RPH3A: variants seen among roughly 807,000 people sequenced by gnomAD.
RPH3A encodes the protein rabphilin-3A.
RPH3A carries 48 observed loss-of-function variants against 102.2 expected under a neutral mutation model. The ratio of observed to expected loss-of-function variants is 0.47; its 90% CI spans 0.37 to 0.60. The LOEUF is 0.60. Among genes scored for constraint, RPH3A ranks in the 20% least tolerant of loss-of-function variants. The probability of loss-of-function intolerance (pLI) is 0.00; values close to 1 mark genes in which losing one functional copy is unlikely to be tolerated. For synonymous variants in RPH3A, 310 were observed against 324.3 expected (o/e 0.96, Z 0.47); for missense variants, 781 against 910.1 (o/e 0.86, Z 1.83).
rs1429578269 is a variant in RPH3A at position 112,599,182 on chromosome 12, G to C, written c.-140+23863G>C. Among the ~76,000 whole-genome samples, 6 of 152,280 alleles carry C rather than the reference G, an allele frequency of 3.9e-5. No individual in the cohort carries two copies. The East Asian group carries it at 1.2e-3, about 29-fold the overall frequency. ...TGTAGTGTGTGTGTAGCAAGACCAA[G>C]TTAACTTTCGATTCATGTGGCCAAG... On this transcript the variant is annotated intron_variant, in intron 1 of 21. Transcript: ENST00000543106.
At chr12:112,826,186 T>C (rs2041869240) in intron 2 of RPH3A, among the ~76,000 whole-genome samples, 1 of 152,064 alleles carries the variant, frequency 6.6e-6, no homozygotes, top group South Asian at 2.1e-4. Flanking sequence ...CACGAAGGGA[T>C]AGAGAGAGCC....
At chr12:112,865,263 G>A (rs1321626624) in intron 5 of RPH3A, 151 bp from the exon 6 acceptor site, 2 of 876,858 alleles carry the variant, frequency 2.3e-6, no homozygotes, top group Non-Finnish European at 3.5e-6. Flanking sequence ...TTATGTGCAT[G>A]TGCCTTTTCT....
chr12:112,828,592 C>T (rs1388289007), intron 3 of RPH3A, among the ~76,000 whole-genome samples: 3 of 152,334 alleles, frequency 2.0e-5, no homozygotes, highest in Non-Finnish European at 4.4e-5. Context: ...GAGTTTCATG[C>T]TCCATAGAAT....
At chr12:112,810,797 G>A (rs2041558643) in intron 2 of RPH3A, among the ~76,000 whole-genome samples, 1 of 152,044 alleles carries the variant, frequency 6.6e-6, no homozygotes. Flanking sequence ...ACTAACATCT[G>A]TCCCACTTAA....
rs1566255220 is a variant in RPH3A, at chr12:112,678,287, A to AGAG, written c.-140+102968_-140+102969insGAG. Among the ~76,000 whole-genome samples the AGAG allele has an allele frequency of 1.6e-3, 58 of 35,636 alleles. 3 individuals are homozygous for AGAG. Among genetic ancestry groups the AGAG allele is most frequent in the African/African-American group, 4.3e-3 (22 of 5,086 alleles). The allele number at this position is 35,636 out of a possible 152,430, so 23.4% of individuals were successfully genotyped here. On this transcript the variant is annotated intron_variant, in intron 1 of 21. Coordinates refer to the RPH3A transcript ENST00000543106. ...AAAGAAAGAAAGAAAGAAAGAAAGA[A>AGAG]AGAAAGAAAGAAAGAAAGAGAGAGA...
intron 1 of RPH3A, among the ~76,000 whole-genome samples, chr12:112,780,192 C>T (rs551863262): frequency 6.6e-6 from 1 of 152,118 alleles, no homozygotes; most frequent in Non-Finnish European, 1.5e-5. Flanking sequence ...CTCATGTTGG[C>T]CTCATCTTTA....
chr12:112,798,100 G>A (rs1010788696), intron 2 of RPH3A, among the ~76,000 whole-genome samples: 3 of 152,194 alleles, frequency 2.0e-5, no homozygotes, highest in Non-Finnish European at 2.9e-5. Flanking sequence ...TGGTTTCCTC[G>A]AAGTAATTGT....
chr12:112,610,017 G>A (rs966582143), intron 1 of RPH3A, among the ~76,000 whole-genome samples: 2 of 152,054 alleles, frequency 1.3e-5, no homozygotes, highest in African/African-American at 2.4e-5. Flanking sequence ...CACAAGGGAC[G>A]GAGTGATCTG....
At chr12:112,886,741 C>T (rs2043007577) in intron 16 of RPH3A, among the ~76,000 whole-genome samples, 2 of 152,216 alleles carry the variant, frequency 1.3e-5, no homozygotes, top group Non-Finnish European at 2.9e-5. Flanking sequence ...TGGATTCAAA[C>T]CCTGGTTCTA....
chr12:112,861,492 C>T (rs140418796), intron 5 of RPH3A, among the ~76,000 whole-genome samples: 313 of 152,260 alleles, frequency 2.1e-3, no homozygotes, highest in Middle Eastern at 0.01. Flanking sequence ...CTGTTCAAGG[C>T]GATCCCCGTG....
chr12:112,792,082 A>C (rs1396743098), intron 1 of RPH3A, 61 bp from the exon 2 acceptor site: 2 of 152,046 alleles, frequency 1.3e-5, no homozygotes, highest in East Asian at 1.9e-4. Context: ...ACGTGTGTGC[A>C]CTGGTGCTTT....
intron 19 of RPH3A, chr12:112,891,297 G>T: frequency 2.8e-6 from 1 of 357,908 alleles, no homozygotes; most frequent in East Asian, 5.6e-5. Flanking sequence ...AGCCCCATTT[G>T]TACTCCCAGG....
At chr12:112,850,267 G>A (rs1049799005) in intron 5 of RPH3A, among the ~76,000 whole-genome samples, 6 of 151,974 alleles carry the variant, frequency 3.9e-5, no homozygotes, top group African/African-American at 1.2e-4. Flanking sequence ...AAGGATTATC[G>A]TGGTGAGTTG....
In RPH3A at chr12:112,712,997, TCC is replaced by T. The variant is rs1337144215; in HGVS notation, c.-139-79145_-139-79144del. Among the ~76,000 whole-genome samples, 156 of 77,782 alleles carry T rather than the reference TCC, an allele frequency of 2.0e-3. 11 individuals carry two copies. Among genetic ancestry groups the T allele is most frequent in the East Asian group, 6.5e-3 (18 of 2,788 alleles). 51.0% of individuals were successfully genotyped at this position (77,782 alleles called of 152,430 possible). ...TCTTTCTTCTTCGTCGTCTTTGTCTTCCTCTTCCTCTTCCTCTTCCTCTTCCT... is the reference window on the plus strand; with the variant it reads ...TCTTTCTTCTTCGTCGTCTTTGTCTTTCTTCCTCTTCCTCTTCCTCTTCCT... On this transcript the variant is annotated intron_variant, in intron 1 of 21. Coordinates refer to the RPH3A transcript ENST00000543106.
intron 1 of RPH3A, among the ~76,000 whole-genome samples, chr12:112,672,750 G>T (rs1175386725): frequency 2.0e-5 from 3 of 152,162 alleles, no homozygotes; most frequent in Admixed American, 6.5e-5. Context: ...TTACATCTCG[G>T]GCGACCAGCC....
chr12:112,883,097 T>C (rs1202625979), intron 15 of RPH3A, among the ~76,000 whole-genome samples, 196 bp from the exon 16 acceptor site: 2 of 152,100 alleles, frequency 1.3e-5, no homozygotes, highest in Non-Finnish European at 2.9e-5. Flanking sequence ...GTGTCAAGCA[T>C]TGATCCATTT....
At chr12:112,580,088 G>A (rs948280933) in intron 1 of RPH3A, among the ~76,000 whole-genome samples, 1 of 152,096 alleles carries the variant, frequency 6.6e-6, no homozygotes, top group Admixed American at 6.5e-5. Context: ...AACAGATACC[G>A]TGTCTATTTC....
chr12:112,586,859 T>C (rs2039442812), intron 1 of RPH3A, among the ~76,000 whole-genome samples: 1 of 152,214 alleles, frequency 6.6e-6, no homozygotes, highest in African/African-American at 2.4e-5. Flanking sequence ...TACTGTTCAC[T>C]ACCACACAAT....
At chr12:112,712,966 T>TTCTTC (rs1565857004) in intron 1 of RPH3A, among the ~76,000 whole-genome samples, 1 of 104,490 alleles carries the variant, frequency 9.6e-6, no homozygotes, top group African/African-American at 3.1e-5. Flanking sequence ...TCTTCTTCTT[T>TTCTTC]CTTCTTCTTT....
Sources: gnomAD v4.1 joint callset for allele counts (sites outside exome capture counted in the v4.1 genomes callset) on GRCh38, gnomAD v4.1.1 for gene constraint, MANE v1.5 for transcripts, NCBI Gene and HGNC (gene_info 2026-07-23, HGNC 2026-07-21) for gene names.